Variants in RTN1 observed in about 807,000 individuals in gnomAD.
The protein encoded by RTN1 is reticulon-1.
A neutral mutation model predicts 65.5 loss-of-function variants in RTN1; 25 were observed. That is an observed-to-expected ratio of 0.38 (90% CI 0.28 to 0.53). RTN1 has a LOEUF of 0.53. RTN1 is among the 20% of genes least tolerant of loss of function. The pLI is 0.79. For synonymous variants in RTN1, 471 were observed against 447.6 expected (o/e 1.05, Z -0.66); for missense variants, 983 against 1,025.4 (o/e 0.96, Z 0.57).
At chr14:59,814,476 G>A (rs1886784864) in intron 1 of RTN1, among the ~76,000 whole-genome samples, 1 of 152,202 alleles carries the variant, frequency 6.6e-6, no homozygotes, top group Non-Finnish European at 1.5e-5. Flanking sequence ...CACAGGCTCT[G>A]AAGAGATCAA....
At chr14:59,723,547 G>A (rs1422464369) in intron 3 of RTN1, among the ~76,000 whole-genome samples, 1 of 152,094 alleles carries the variant, frequency 6.6e-6, no homozygotes, top group Non-Finnish European at 1.5e-5. Flanking sequence ...AACCTGGGAG[G>A]CGGAGCTTGC....
chr14:59,626,618 G>A (rs1455177965), intron 3 of RTN1, among the ~76,000 whole-genome samples: 5 of 152,176 alleles, frequency 3.3e-5, no homozygotes, highest in South Asian at 2.1e-4. Flanking sequence ...TAGTACAGTC[G>A]AAGTGTTAAA....
At chr14:59,728,485 T>A (rs946141594) in intron 2 of RTN1, among the ~76,000 whole-genome samples, 12 of 152,082 alleles carry the variant, frequency 7.9e-5, no homozygotes, top group African/African-American at 2.7e-4. Context: ...TTCTGCCTGA[T>A]GTTTATCCAG....
rs181572316 is a variant in RTN1 at position 59,714,992 on chromosome 14, T to C, written c.1765+11927A>G. Among the ~76,000 whole-genome samples the C allele has an allele frequency of 7.1e-4, 108 of 152,308 alleles. 1 individual carries two copies. The East Asian group carries it at 0.011, about 15-fold the overall frequency. ...CAAGGGATCTAGGCTGTATGCTCCT[T>C]ATGAGACTCTAATGCCTGATGCTTT... On this transcript the variant is annotated intron_variant, in intron 3 of 8. Coordinates refer to ENST00000267484, the MANE Select transcript of RTN1 (RefSeq NM_021136.3).
intron 8 of RTN1, among the ~76,000 whole-genome samples, chr14:59,598,329 G>A (rs997842370): frequency 1.3e-5 from 2 of 152,200 alleles, no homozygotes; most frequent in African/African-American, 2.4e-5. Context: ...GGAACCAGGT[G>A]AAAATGCCAT....
chr14:59,693,756 A>T (rs1022140500), intron 3 of RTN1, among the ~76,000 whole-genome samples: 1 of 152,224 alleles, frequency 6.6e-6, no homozygotes, highest in African/African-American at 2.4e-5. Flanking sequence ...GTCCAATTCA[A>T]TATGAATGCT....
chr14:59,694,780 G>C (rs956203881), intron 3 of RTN1, among the ~76,000 whole-genome samples: 1 of 152,206 alleles, frequency 6.6e-6, no homozygotes, highest in African/African-American at 2.4e-5. Context: ...TCACAAAGTA[G>C]TTTGACAAGG....
At chr14:59,679,147 C>A (rs1182164621) in intron 3 of RTN1, among the ~76,000 whole-genome samples, 3 of 152,140 alleles carry the variant, frequency 2.0e-5, no homozygotes, top group Non-Finnish European at 4.4e-5. Flanking sequence ...CCTAACTTGA[C>A]ATTTTGTATT....
At chr14:59,833,436 A>G (rs938600496) in intron 1 of RTN1, among the ~76,000 whole-genome samples, 2 of 152,358 alleles carry the variant, frequency 1.3e-5, no homozygotes, top group African/African-American at 2.4e-5. Context: ...TATTCAATAT[A>G]GTAATATATA....
chr14:59,801,051 T>C lies in RTN1; in HGVS notation c.242-54570A>G, dbSNP rs575764476. On this transcript the variant is annotated intron_variant, in intron 1 of 8. Coordinates refer to ENST00000267484, the MANE Select transcript of RTN1 (RefSeq NM_021136.3). ...CTAGAAATTGTCCAAGCTGAACACA[T>C]AGAAAAAGAATGGGGGAGGAAAAAA... Among the ~76,000 whole-genome samples, 24 of 151,524 alleles carry C rather than the reference T, an allele frequency of 1.6e-4. 1 individual carries two copies. The Middle Eastern group carries it at 0.021, about 131-fold the overall frequency.
intron 3 of RTN1, among the ~76,000 whole-genome samples, chr14:59,626,087 A>G (rs943167302): frequency 6.6e-6 from 1 of 152,168 alleles, no homozygotes; most frequent in East Asian, 1.9e-4. Context: ...ATAAAAGGTG[A>G]TATTAGTCTG....
intron 1 of RTN1, among the ~76,000 whole-genome samples, chr14:59,827,466 C>T (rs1887054795): frequency 6.6e-6 from 1 of 152,118 alleles, no homozygotes; most frequent in South Asian, 2.1e-4. Context: ...GCCATAACAA[C>T]GTGGGCAGAT....
intron 3 of RTN1, among the ~76,000 whole-genome samples, chr14:59,677,976 C>T (rs1883662037): frequency 6.6e-6 from 1 of 152,208 alleles, no homozygotes; most frequent in Non-Finnish European, 1.5e-5. Context: ...ACATTCTTTT[C>T]TCACTCCCAG....
In RTN1 at chr14:59,766,223, C is replaced by T. The variant is rs1885847164; in HGVS notation, c.242-19742G>A. ...CCAGCCTGGGTGACAGAGTGAGACGCTGTCAAAAAAAAAAAATTCATTAAC... is the reference window on the plus strand; with the variant it reads ...CCAGCCTGGGTGACAGAGTGAGACGTTGTCAAAAAAAAAAAATTCATTAAC... On this transcript the variant is annotated intron_variant, in intron 1 of 8. Transcript: ENST00000267484. The surrounding 1 kb of genome is among the most constrained non-coding windows in gnomAD (Gnocchi z 4.4). Among the ~76,000 whole-genome samples the T allele has an allele frequency of 9.4e-6, 1 of 105,874 alleles. No homozygotes were observed. The highest frequency in any genetic ancestry group is 1.9e-5 in the Non-Finnish European group (1 of 53,018). The allele number at this position is 105,874 out of a possible 152,430, so 69.5% of individuals were successfully genotyped here. A position where few individuals can be genotyped will look rare whatever the true frequency, so the allele number is the denominator to read the frequency against.
intron 1 of RTN1, among the ~76,000 whole-genome samples, chr14:59,810,787 T>C (rs761475211): frequency 1.3e-5 from 2 of 152,150 alleles, no homozygotes; most frequent in African/African-American, 2.4e-5. Flanking sequence ...AGTACAGCCA[T>C]GGCAGCAAGA....
chr14:59,845,397 T>C (rs544044712), intron 1 of RTN1, among the ~76,000 whole-genome samples: 1 of 152,296 alleles, frequency 6.6e-6, no homozygotes, highest in Non-Finnish European at 1.5e-5. Flanking sequence ...GCCGGAAACT[T>C]AAATAATTCT....
intron 3 of RTN1, among the ~76,000 whole-genome samples, chr14:59,645,536 A>G (rs1594650735): frequency 6.6e-6 from 1 of 151,836 alleles, no homozygotes; most frequent in African/African-American, 2.4e-5. Context: ...CACTGGAGCT[A>G]TTGAGCCAGT....
intron 3 of RTN1, among the ~76,000 whole-genome samples, chr14:59,708,059 AT>A (rs758733243): frequency 6.6e-6 from 1 of 152,232 alleles, no homozygotes; most frequent in Non-Finnish European, 1.5e-5. Flanking sequence ...GAGCCAGTCT[AT>A]TTAAAAACAT....
At position 59,829,282 on chromosome 14, in the gene RTN1, A is replaced by G. The variant is rs568333067; in HGVS notation, c.241+41108T>C. On this transcript the variant is annotated intron_variant, in intron 1 of 8. Coordinates refer to ENST00000267484, the MANE Select transcript of RTN1 (RefSeq NM_021136.3). This position sits in a 1 kb window ranked among gnomAD's most constrained non-coding sequence, Gnocchi z 4.3. ...ATAAAAATATACATGAGTATAATAC[A>G]GGGAAAAACATGCTGTTGCACAAAA... Among the ~76,000 whole-genome samples the G allele has an allele frequency of 3.6e-4, 55 of 152,344 alleles. 1 individual carries two copies. Among genetic ancestry groups the G allele is most frequent in the Non-Finnish European group, 6.5e-4 (44 of 68,026 alleles).
Sources: gnomAD v4.1 joint callset for allele counts (sites outside exome capture counted in the v4.1 genomes callset) on GRCh38, gnomAD v4.1.1 for gene constraint, Gnocchi (gnomAD v3.1) non-coding constraint, MANE v1.5 for transcripts, NCBI Gene and HGNC (gene_info 2026-07-23, HGNC 2026-07-21) for gene names.